Variants in KCNH7 observed in about 807,000 individuals in gnomAD.
KCNH7 encodes potassium voltage-gated channel subfamily H member 7, also known as voltage-gated inwardly rectifying potassium channel KCNH7.
KCNH7 carries 49 observed loss-of-function variants against 120.8 expected under a neutral mutation model. The observed-to-expected ratio is 0.41, with a 90% CI of 0.32 to 0.51. The LOEUF (loss-of-function observed/expected upper bound fraction) is 0.51, where lower values mean the gene tolerates loss of function less well. KCNH7 is among the 20% of genes least tolerant of loss of function. The pLI is 0.38. For missense variants in KCNH7, 1,097 were observed against 1,446.6 expected, an observed-to-expected ratio of 0.76 and a Z score of 3.92; for synonymous variants, 547 against 516.1, an observed-to-expected ratio of 1.06 and a Z score of -0.81.
chr2:162,731,720 A>G (rs1687736879), intron 2 of KCNH7, among the ~76,000 whole-genome samples: 2 of 152,136 alleles, frequency 1.3e-5, no homozygotes, highest in Admixed American at 6.6e-5. Context: ...TACTAAATTT[A>G]GGGTTGCAGA....
intron 9 of KCNH7, among the ~76,000 whole-genome samples, chr2:162,422,752 T>A (rs1336792604): frequency 6.6e-6 from 1 of 152,128 alleles, no homozygotes. Context: ...ATATTTCCCC[T>A]TGAAAGGAAA....
At chr2:162,379,755 G>A in intron 14 of KCNH7, 98 bp downstream of exon 14, 1 of 1,134,000 alleles carries the variant, frequency 8.8e-7, no homozygotes, top group Non-Finnish European at 1.3e-6. Context: ...AGGAAATTAT[G>A]AGATCATGGC....
intron 2 of KCNH7, among the ~76,000 whole-genome samples, chr2:162,811,001 AT>A (rs1404286919): frequency 1.3e-5 from 2 of 152,188 alleles, no homozygotes; most frequent in African/African-American, 4.8e-5. Flanking sequence ...CTATTTTTAA[AT>A]AACACATTTT....
intron 2 of KCNH7, among the ~76,000 whole-genome samples, chr2:162,766,140 C>T (rs992510263): frequency 1.3e-5 from 2 of 151,936 alleles, no homozygotes; most frequent in Admixed American, 6.6e-5. Context: ...AATGTTTTTG[C>T]TTTCCTGTAT....
intron 2 of KCNH7, among the ~76,000 whole-genome samples, chr2:162,566,894 G>A (rs1464851566): frequency 6.6e-6 from 1 of 151,958 alleles, no homozygotes; most frequent in African/African-American, 2.4e-5. Context: ...GTCGAGCCTA[G>A]TCTTAAAAAA....
intron 2 of KCNH7, among the ~76,000 whole-genome samples, chr2:162,604,764 A>C (rs1694674949): frequency 6.6e-6 from 1 of 152,014 alleles, no homozygotes; most frequent in African/African-American, 2.4e-5. Context: ...AATTTTTCAT[A>C]TCCATCCCCT....
At chr2:162,793,638 G>T (rs1048265711) in intron 2 of KCNH7, among the ~76,000 whole-genome samples, 25 of 151,754 alleles carry the variant, frequency 1.6e-4, no homozygotes, top group African/African-American at 6.1e-4. Context: ...TCTACTCAAA[G>T]CTATCTACAG....
chr2:162,388,230 G>T (rs909738403), intron 12 of KCNH7, among the ~76,000 whole-genome samples: 1 of 151,658 alleles, frequency 6.6e-6, no homozygotes, highest in Non-Finnish European at 1.5e-5. Flanking sequence ...TTGGTTTAAA[G>T]GTAAAAAGTT....
intron 2 of KCNH7, among the ~76,000 whole-genome samples, chr2:162,626,701 C>A (rs2105207798): frequency 6.6e-6 from 1 of 152,182 alleles, no homozygotes; most frequent in African/African-American, 2.4e-5. Flanking sequence ...CAACTATATT[C>A]ATTATGGGAG....
intron 6 of KCNH7, among the ~76,000 whole-genome samples, chr2:162,447,723 A>G (rs1347071027): frequency 6.6e-6 from 1 of 152,092 alleles, no homozygotes; most frequent in Non-Finnish European, 1.5e-5. Context: ...ACTTGACTGT[A>G]GTAATGAATT....
At chr2:162,375,704 G>A (rs765679938) in intron 14 of KCNH7, among the ~76,000 whole-genome samples, 22 of 152,094 alleles carry the variant, frequency 1.4e-4, no homozygotes, top group Non-Finnish European at 2.4e-4. Flanking sequence ...AAGGTGGGTG[G>A]ATCACTTGAC....
chr2:162,714,725 G>T (rs1687047036), intron 2 of KCNH7, among the ~76,000 whole-genome samples: 1 of 152,208 alleles, frequency 6.6e-6, no homozygotes, highest in South Asian at 2.1e-4. Context: ...TAGACAATAT[G>T]TAAACTGAGG....
At chr2:162,633,490 G>T (rs1354920272) in intron 2 of KCNH7, among the ~76,000 whole-genome samples, 1 of 150,462 alleles carries the variant, frequency 6.6e-6, no homozygotes, top group African/African-American at 2.4e-5. Context: ...ATAACTGTTA[G>T]TTGTTATCTA....
chr2:162,373,045 AC>A (rs1245647674), intron 15 of KCNH7, among the ~76,000 whole-genome samples: 2 of 151,512 alleles, frequency 1.3e-5, no homozygotes, highest in Admixed American at 1.3e-4. Flanking sequence ...CCTTCCTGAG[AC>A]CTCTCCCAGC....
intron 2 of KCNH7, among the ~76,000 whole-genome samples, chr2:162,578,922 TTA>T (rs1220252670): frequency 4.0e-5 from 6 of 149,948 alleles, no homozygotes; most frequent in Admixed American, 1.3e-4. Flanking sequence ...TCATTCAGAT[TTA>T]TGAGTTTTTT....
At chr2:162,772,516 C>T (rs1683093003) in intron 2 of KCNH7, among the ~76,000 whole-genome samples, 1 of 147,420 alleles carries the variant, frequency 6.8e-6, no homozygotes, top group Non-Finnish European at 1.5e-5. Context: ...TACATTTTCT[C>T]CTGTTGGAGT....
intron 3 of KCNH7, among the ~76,000 whole-genome samples, chr2:162,528,796 A>T (rs1296034103): frequency 1.3e-5 from 2 of 151,996 alleles, no homozygotes; most frequent in African/African-American, 4.8e-5. Context: ...TGAGACTATT[A>T]TATCAGTCCA....
chr2:162,536,290 A>G (rs995150114), intron 3 of KCNH7, among the ~76,000 whole-genome samples: 1 of 151,984 alleles, frequency 6.6e-6, no homozygotes, highest in Non-Finnish European at 1.5e-5. Context: ...AATATGTATA[A>G]AAGAAATGGA....
intron 2 of KCNH7, among the ~76,000 whole-genome samples, chr2:162,678,170 A>G (rs927208690): frequency 6.6e-6 from 1 of 151,386 alleles, no homozygotes; most frequent in African/African-American, 2.4e-5. Flanking sequence ...GCCTATTTCT[A>G]GATCACATGA....
Sources: gnomAD v4.1 joint callset for allele counts (sites outside exome capture counted in the v4.1 genomes callset) on GRCh38, gnomAD v4.1.1 for gene constraint, MANE v1.5 for transcripts, NCBI Gene and HGNC (gene_info 2026-07-23, HGNC 2026-07-21) for gene names.